The following GPR158 variants were observed in gnomAD, a reference collection of about 807,000 sequenced individuals.
GPR158 encodes the protein G protein-coupled receptor 158, also known as metabotropic glycine receptor.
A neutral mutation model predicts 78.2 loss-of-function variants in GPR158; 30 were observed. That is an observed-to-expected ratio of 0.38 (90% CI 0.29 to 0.52). The LOEUF is 0.52. Ranked by LOEUF, GPR158 falls within the 20% of genes least tolerant of loss-of-function variation. GPR158 has a pLI of 0.83. For missense variants in GPR158, 1,463 were observed against 1,523.5 expected, an observed-to-expected ratio of 0.96 and a Z score of 0.66; for synonymous variants, 581 against 591.1, an observed-to-expected ratio of 0.98 and a Z score of 0.25.
In GPR158 at chr10:25,176,221, G is replaced by A; in HGVS notation, c.801G>A (p.Pro267=). 2 of 1,599,656 alleles carry A rather than the reference G, an allele frequency of 1.3e-6. No homozygotes were observed. Among genetic ancestry groups the A allele is most frequent in the South Asian group, 1.1e-5 (1 of 88,282 alleles). ...GGDKSHFKWS[P]PYLECENGSY... ...ACAAGAGCCACTTCAAGTGGTCTCC[G>A]CCTTATCTGGAGTGCGAGAACGGGA... Residue 267 remains proline, a synonymous_variant, in exon 1 of 11, where the codon CCG becomes CCA. Coordinates refer to ENST00000376351, the MANE Select transcript of GPR158 (RefSeq NM_020752.3). The surrounding 1 kb of genome is among the most constrained non-coding windows in gnomAD (Gnocchi z 6.3).
chr10:25,334,508 G>A (rs950643651), intron 2 of GPR158, among the ~76,000 whole-genome samples: 1 of 151,982 alleles, frequency 6.6e-6, no homozygotes. Flanking sequence ...GTCCAGAATT[G>A]CTGTGACAGG....
At chr10:25,192,441 A>G (rs576426160) in intron 1 of GPR158, among the ~76,000 whole-genome samples, 1 of 152,198 alleles carries the variant, frequency 6.6e-6, no homozygotes, top group Non-Finnish European at 1.5e-5. Flanking sequence ...TCAGAAAAAC[A>G]GCATGGGAAT....
At chr10:25,552,442 T>G (rs1218738874) in intron 6 of GPR158, among the ~76,000 whole-genome samples, 1 of 151,956 alleles carries the variant, frequency 6.6e-6, no homozygotes, top group Admixed American at 6.6e-5. Flanking sequence ...CCTGAAAGAG[T>G]AGACACCCCG....
At chr10:25,257,974 C>T (rs568179799) in intron 2 of GPR158, among the ~76,000 whole-genome samples, 1 of 152,162 alleles carries the variant, frequency 6.6e-6, no homozygotes, top group Non-Finnish European at 1.5e-5. Context: ...GATGGGAATG[C>T]TTTTCTTCTA....
At chr10:25,290,682 G>A (rs888424755) in intron 2 of GPR158, among the ~76,000 whole-genome samples, 7 of 152,074 alleles carry the variant, frequency 4.6e-5, no homozygotes, top group South Asian at 2.1e-4. Context: ...GGAGGTGGTC[G>A]TATGTATCAG....
intron 5 of GPR158, among the ~76,000 whole-genome samples, chr10:25,528,219 A>G (rs1836375628): frequency 6.6e-6 from 1 of 151,922 alleles, no homozygotes; most frequent in African/African-American, 2.4e-5. Context: ...TGACCCTAAA[A>G]CCTGACCAAG....
At chr10:25,505,160 A>G (rs1253745103) in intron 5 of GPR158, among the ~76,000 whole-genome samples, 1 of 152,220 alleles carries the variant, frequency 6.6e-6, no homozygotes, top group Non-Finnish European at 1.5e-5. Context: ...TATTTTGATA[A>G]TGATGTTGAC....
chr10:25,214,608 C>T (rs980582027), intron 1 of GPR158, among the ~76,000 whole-genome samples: 1 of 151,924 alleles, frequency 6.6e-6, no homozygotes, highest in Admixed American at 6.6e-5. Context: ...TTGTGTTCTC[C>T]AAAATTGATA....
intron 5 of GPR158, among the ~76,000 whole-genome samples, chr10:25,503,679 T>G (rs535817704): frequency 1.3e-5 from 2 of 152,260 alleles, no homozygotes; most frequent in African/African-American, 4.8e-5. Flanking sequence ...CAGTTTTTGT[T>G]TACTGCATGT....
At chr10:25,202,567 C>T (rs951202428) in intron 1 of GPR158, among the ~76,000 whole-genome samples, 5 of 152,110 alleles carry the variant, frequency 3.3e-5, no homozygotes, top group African/African-American at 1.2e-4. Flanking sequence ...ATCCATGTCC[C>T]TACAAAGGAC....
chr10:25,480,577 A>G (rs1835653284), intron 5 of GPR158, among the ~76,000 whole-genome samples: 1 of 152,208 alleles, frequency 6.6e-6, no homozygotes, highest in Non-Finnish European at 1.5e-5. Flanking sequence ...CATGAGCAGA[A>G]TCACACAACA....
intron 4 of GPR158, among the ~76,000 whole-genome samples, chr10:25,417,669 T>G (rs1471875381): frequency 6.6e-6 from 1 of 152,302 alleles, no homozygotes; most frequent in East Asian, 1.9e-4. Context: ...TGAAGCTATG[T>G]GCTATTATAG....
intron 5 of GPR158, among the ~76,000 whole-genome samples, chr10:25,544,057 C>T (rs2130706183): frequency 6.6e-6 from 1 of 152,292 alleles, no homozygotes; most frequent in South Asian, 2.1e-4. Flanking sequence ...GCTGCTGATC[C>T]TGGATGTCTT....
At chr10:25,458,689 C>T (rs1203459468) in intron 4 of GPR158, among the ~76,000 whole-genome samples, 1 of 152,158 alleles carries the variant, frequency 6.6e-6, no homozygotes, top group African/African-American at 2.4e-5. Flanking sequence ...AACTGAGGCT[C>T]AAAGGTTGAA....
chr10:25,433,752 C>G (rs1470202452), intron 4 of GPR158, among the ~76,000 whole-genome samples: 1 of 135,170 alleles, frequency 7.4e-6, no homozygotes, highest in African/African-American at 2.7e-5. Flanking sequence ...AGTCTGGTCT[C>G]AAACTCCTGG....
intron 2 of GPR158, among the ~76,000 whole-genome samples, chr10:25,348,281 T>C (rs1266289986): frequency 6.6e-6 from 1 of 151,752 alleles, no homozygotes; most frequent in Non-Finnish European, 1.5e-5. Context: ...TCTGTTGCTT[T>C]TCTAAATTCT....
chr10:25,292,113 T>C (rs1854447049), intron 2 of GPR158, among the ~76,000 whole-genome samples: 2 of 151,866 alleles, frequency 1.3e-5, no homozygotes, highest in Middle Eastern at 3.4e-3. Context: ...ACATAGGAAA[T>C]GTGTAAGTAA....
At chr10:25,449,852 T>A (rs908163533) in intron 4 of GPR158, among the ~76,000 whole-genome samples, 4 of 152,272 alleles carry the variant, frequency 2.6e-5, no homozygotes, top group African/African-American at 9.6e-5. Context: ...CCAATTAAAA[T>A]TTTTAAAAAA....
chr10:25,435,947 G>A (rs560472834), intron 4 of GPR158, among the ~76,000 whole-genome samples: 2 of 152,180 alleles, frequency 1.3e-5, no homozygotes, highest in South Asian at 4.2e-4. Flanking sequence ...AGGGGAATGG[G>A]AAAAAATAGA....
Sources: allele counts gnomAD v4.1 joint callset (sites outside exome capture counted in the v4.1 genomes callset), GRCh38; gene constraint gnomAD v4.1.1; non-coding constraint Gnocchi (gnomAD v3.1); transcripts MANE v1.5; gene names NCBI Gene and HGNC (gene_info 2026-07-23, HGNC 2026-07-21).